VAC14: variants seen among roughly 807,000 people sequenced by gnomAD.
VAC14 encodes VAC14 component of PIKFYVE complex, also known as protein VAC14 homolog.
A neutral mutation model predicts 85.3 loss-of-function variants in VAC14; 47 were observed. The ratio of observed to expected loss-of-function variants is 0.55; its 90% CI spans 0.44 to 0.70. VAC14 has a LOEUF of 0.70. VAC14 is among the 30% of genes least tolerant of loss of function. The pLI is 0.00. For missense variants in VAC14, 861 were observed against 1,004.3 expected (o/e 0.86, Z 1.93); for synonymous variants, 447 against 430.5 (o/e 1.04, Z -0.47).
intron 1 of VAC14, among the ~76,000 whole-genome samples, chr16:70,791,694 C>A (rs1307581119): frequency 1.3e-5 from 2 of 152,196 alleles, no homozygotes; most frequent in Non-Finnish European, 2.9e-5. Context: ...CCCTCCACAA[C>A]TTCTTGATAA....
intron 9 of VAC14, chr16:70,779,258 C>T (rs1044992917): frequency 6.6e-6 from 1 of 152,256 alleles, no homozygotes; most frequent in African/African-American, 2.4e-5. Context: ...GTGGGGCATG[C>T]ATGCTTGACA....
At chr16:70,763,148 G>C in intron 10 of VAC14, 123 bp from the exon 11 acceptor site, 1 of 1,404,930 alleles carries the variant, frequency 7.1e-7, no homozygotes, top group Non-Finnish European at 9.7e-7. Flanking sequence ...CGTCTAGGGG[G>C]ATCGGGGGTC....
At position 70,801,110 on chromosome 16, in the gene VAC14, C is replaced by T. The variant is rs766808503; in HGVS notation, c.-210G>A. The T allele has an allele frequency of 4.6e-6, 2 of 438,314 alleles. No homozygotes were observed. The highest frequency in any genetic ancestry group is 8.9e-5 in the Admixed American group (2 of 22,360). 27.2% of individuals were successfully genotyped at this position (438,314 alleles called of 1,614,324 possible). On this transcript the variant is annotated 5_prime_UTR_variant, in exon 1 of 19. Transcript: ENST00000261776. ...CTGACCCTGGCCGCTTAACAACTCC[C>T]GCCCGGCACTAGCGGGACTCACGAG...
chr16:70,728,816 C>G (rs2143000888), intron 14 of VAC14, among the ~76,000 whole-genome samples: 1 of 152,360 alleles, frequency 6.6e-6, no homozygotes, highest in Admixed American at 6.5e-5. Flanking sequence ...GAAAGTCGTC[C>G]AGGCAAGGAG....
chr16:70,736,881 G>C (rs2054770936), intron 13 of VAC14, among the ~76,000 whole-genome samples: 1 of 152,092 alleles, frequency 6.6e-6, no homozygotes, highest in Non-Finnish European at 1.5e-5. Context: ...GTGGGGAAAG[G>C]GGCCACACTT....
At chr16:70,712,439 G>A (rs2054054784) in intron 14 of VAC14, among the ~76,000 whole-genome samples, 2 of 152,112 alleles carry the variant, frequency 1.3e-5, no homozygotes, top group Admixed American at 6.5e-5. Flanking sequence ...TTAATACTGG[G>A]ATATGGCAGC....
intron 14 of VAC14, among the ~76,000 whole-genome samples, chr16:70,712,744 C>T (rs2054061912): frequency 6.6e-6 from 1 of 152,232 alleles, no homozygotes; most frequent in South Asian, 2.1e-4. Flanking sequence ...AGGGGTCTTT[C>T]CCATTTACTG....
chr16:70,748,792 C>T (rs1489720674), intron 12 of VAC14, among the ~76,000 whole-genome samples: 3 of 152,132 alleles, frequency 2.0e-5, no homozygotes, highest in African/African-American at 7.2e-5. Context: ...CCTAAAAATA[C>T]AAAAATTAGT....
chr16:70,781,320 C>T (rs1463943513), intron 8 of VAC14, among the ~76,000 whole-genome samples: 3 of 152,170 alleles, frequency 2.0e-5, no homozygotes, highest in Admixed American at 2.0e-4. Flanking sequence ...GCTGAAGCAA[C>T]CTCTTTTCTT....
chr16:70,738,550 C>T (rs1031348622), intron 13 of VAC14, among the ~76,000 whole-genome samples: 11 of 151,850 alleles, frequency 7.2e-5, no homozygotes, highest in African/African-American at 2.2e-4. Flanking sequence ...CCAAAGGCAG[C>T]GAGGAGAGGG....
In VAC14 at chr16:70,697,244, A is replaced by G. The variant is rs1476139553; in HGVS notation, c.1850T>C (p.Leu617Pro). 6.2e-7 allele frequency: 1 copy of G among 1,613,616 alleles called. No homozygotes were observed. Among genetic ancestry groups the G allele is most frequent in the African/African-American group, 1.3e-5 (1 of 74,950 alleles). Residue 617 changes from leucine to proline, a missense_variant, in exon 16 of 19, where the codon CTG becomes CCG. Physicochemically the swap from Leu to Pro is moderately conservative, Grantham distance 98 (BLOSUM62 -3). This residue lies in a region of VAC14 where 69 missense variants were observed against 139.0 expected (regional missense o/e 0.50). Coordinates refer to ENST00000261776, the MANE Select transcript of VAC14 (RefSeq NM_018052.5). ...KDLKTLESQN[L>P]FCCLYRSWCH... ...CCAGGAGCGGTACAGGCAGCAGAAC[A>G]GGTTCTGGCTCTCCTGTGGGGGAAC...
At chr16:70,797,119 G>A (rs2034579502) in intron 1 of VAC14, among the ~76,000 whole-genome samples, 2 of 152,120 alleles carry the variant, frequency 1.3e-5, no homozygotes, top group South Asian at 2.1e-4. Context: ...GTTACTATGG[G>A]TCTTACTGAG....
intron 12 of VAC14, among the ~76,000 whole-genome samples, chr16:70,759,293 TGGACGAA>T (rs2032122153): frequency 6.6e-6 from 1 of 152,054 alleles, no homozygotes. Context: ...ATAAGAAAAG[TGGACGAA>T]GGATCTGGGG....
chr16:70,776,612 T>C (rs1387720159), intron 9 of VAC14, among the ~76,000 whole-genome samples: 2 of 151,992 alleles, frequency 1.3e-5, no homozygotes, highest in South Asian at 2.1e-4. Flanking sequence ...TTATTTTGTT[T>C]TGAGATGGGG....
chr16:70,774,455 G>A (rs2143188590), intron 9 of VAC14, among the ~76,000 whole-genome samples: 2 of 152,228 alleles, frequency 1.3e-5, no homozygotes, highest in Middle Eastern at 6.8e-3. Flanking sequence ...TAACCTCATC[G>A]CCTGACGCAC....
At chr16:70,689,374 T>C (rs2053557411) in intron 18 of VAC14, 1 of 985,206 alleles carries the variant, frequency 1.0e-6, no homozygotes, top group African/African-American at 1.7e-5. Flanking sequence ...AAGGAGGCCA[T>C]TTTGGGGGAG....
In VAC14 at chr16:70,692,853, C is replaced by T. The variant is rs750787625; in HGVS notation, c.2154G>A (p.Gln718=). 2 of 1,603,436 alleles carry T rather than the reference C, an allele frequency of 1.2e-6. No individual in the cohort carries two copies. Among genetic ancestry groups the T allele is most frequent in the African/African-American group, 2.7e-5 (2 of 74,900 alleles). ...GCAGCAGCTCAGGGTTGGGCACGCACTGGAGCCGGTGCGAGAGCAGCTGGA... is the reference window on the plus strand; with the variant it reads ...GCAGCAGCTCAGGGTTGGGCACGCATTGGAGCCGGTGCGAGAGCAGCTGGA... The part of the protein sequence containing the change: ...SAFQLLSHRL[Q]CVPNPELLQT... The change falls in exon 18 of 19, where the codon CAG becomes CAA. Residue 718 remains glutamine, a synonymous_variant. Transcript: ENST00000261776.
At chr16:70,783,643 G>A (rs878906583) in intron 5 of VAC14, 89 bp from the exon 6 acceptor site, 2 of 1,314,200 alleles carry the variant, frequency 1.5e-6, no homozygotes, top group Non-Finnish European at 2.2e-6. Context: ...TGTAGGAAGG[G>A]GACCCTGCTG....
chr16:70,726,571 C>A (rs1384885345), intron 14 of VAC14, among the ~76,000 whole-genome samples: 3 of 152,314 alleles, frequency 2.0e-5, no homozygotes, highest in African/African-American at 7.2e-5. Context: ...ACAGACAAAG[C>A]AGAAAGGCCT....
Sources: allele counts gnomAD v4.1 joint callset (sites outside exome capture counted in the v4.1 genomes callset), GRCh38; gene constraint gnomAD v4.1.1; regional missense constraint gnomAD v4.1.1; transcripts MANE v1.5; gene names NCBI Gene and HGNC (gene_info 2026-07-23, HGNC 2026-07-21).